Variants in KIF16B observed in about 807,000 individuals in gnomAD.
KIF16B encodes the protein kinesin family member 16B.
KIF16B carries 98 observed loss-of-function variants against 156.3 expected under a neutral mutation model. That is an observed-to-expected ratio of 0.63 (90% CI 0.53 to 0.74). The LOEUF is 0.74. KIF16B is among the 30% of genes least tolerant of loss of function. KIF16B has a pLI of 0.00. For missense variants in KIF16B, 1,421 were observed against 1,606.5 expected (o/e 0.88, Z 1.97); for synonymous variants, 564 against 583.7 (o/e 0.97, Z 0.49).
At chr20:16,571,763 G>A (rs925739116) in intron 1 of KIF16B, among the ~76,000 whole-genome samples, 13 of 151,796 alleles carry the variant, frequency 8.6e-5, no homozygotes, top group African/African-American at 2.9e-4. Flanking sequence ...ACGAGTAGCT[G>A]GGACTACAGG....
chr20:16,380,253 A>T, intron 18 of KIF16B, 90 bp from the exon 19 acceptor site: 1 of 1,178,886 alleles, frequency 8.5e-7, no homozygotes, highest in Non-Finnish European at 1.1e-6. Flanking sequence ...TGCACATACA[A>T]CCAGGTCAAA....
At position 16,541,795 on chromosome 20, in the gene KIF16B, C is replaced by T. The variant is rs142963994; in HGVS notation, c.48-13355G>A. On this transcript the variant is annotated intron_variant, in intron 1 of 25. Transcript: ENST00000354981. ...TGGAGCTGCAGCACCGACCCATGGA[C>T]AGCCTTGGCCAACTCCACAGGCAGT... Among the ~76,000 whole-genome samples, 1,072 of 152,332 alleles carry T rather than the reference C, an allele frequency of 7.0e-3. 20 individuals are homozygous for T. The highest frequency in any genetic ancestry group is 0.025 in the African/African-American group (1,040 of 41,566).
intron 24 of KIF16B, among the ~76,000 whole-genome samples, chr20:16,313,239 A>G (rs2063647822): frequency 6.6e-6 from 1 of 152,172 alleles, no homozygotes; most frequent in South Asian, 2.1e-4. Context: ...TGTCAGGACC[A>G]GACAAATTGA....
intron 17 of KIF16B, among the ~76,000 whole-genome samples, chr20:16,395,189 G>A (rs1444885877): frequency 1.7e-5 from 1 of 60,362 alleles, no homozygotes; most frequent in Non-Finnish European, 2.8e-5. Flanking sequence ...AAGGGGAGAG[G>A]AGGGGAGAGG....
intron 12 of KIF16B, among the ~76,000 whole-genome samples, chr20:16,443,346 G>C (rs1468462040): frequency 6.6e-6 from 1 of 152,106 alleles, no homozygotes; most frequent in Non-Finnish European, 1.5e-5. Flanking sequence ...CAGTAAACTT[G>C]GTGAAAAGGA....
At chr20:16,342,930 A>C (rs2064165258) in intron 23 of KIF16B, among the ~76,000 whole-genome samples, 1 of 152,240 alleles carries the variant, frequency 6.6e-6, no homozygotes, top group East Asian at 1.9e-4. Context: ...GCTCATGGGA[A>C]GCTTGAGAAA....
In KIF16B at chr20:16,490,023, G is replaced by A. The variant is rs114551575; in HGVS notation, c.1302+4268C>T. 4.7e-3 allele frequency among the ~76,000 whole-genome samples: 713 copies of A among 152,176 alleles called. 6 individuals are homozygous for A. The highest frequency in any genetic ancestry group is 0.017 in the African/African-American group (693 of 41,518). ...AGAGCATCACTGGGACAGGACCGCC[G>A]CCTGCACAACACTCCCTGTCACTCT... On this transcript the variant is annotated intron_variant, in intron 12 of 25. Transcript: ENST00000354981.
intron 9 of KIF16B, 140 bp downstream of exon 9, chr20:16,505,582 A>G (rs2147008748): frequency 2.8e-6 from 2 of 725,044 alleles, no homozygotes; most frequent in East Asian, 5.5e-5. Context: ...ATAGGAGGTG[A>G]TTTTCCTCAA....
At chr20:16,400,851 A>G (rs1175706271) in intron 17 of KIF16B, among the ~76,000 whole-genome samples, 2 of 152,166 alleles carry the variant, frequency 1.3e-5, no homozygotes, top group South Asian at 4.1e-4. Flanking sequence ...TGGGGGAAGG[A>G]GGGAATGGAA....
chr20:16,547,695 C>T (rs2070468671), intron 1 of KIF16B, among the ~76,000 whole-genome samples: 1 of 152,158 alleles, frequency 6.6e-6, no homozygotes, highest in Admixed American at 6.5e-5. Flanking sequence ...TCACGCAACA[C>T]AAAGAAACAA....
Position 16,406,553 on chromosome 20 carries a change from A to G in KIF16B, c.1613-97T>C, listed in dbSNP as rs757138921. ...ATTCTACTGTTGAAATGTAATTTCC[A>G]GTGTATTATAAAATAATAAGGGAAA... On this transcript the variant is annotated intron_variant, in intron 15 of 25. Transcript: ENST00000354981. 204 of 1,035,876 alleles carry G rather than the reference A, an allele frequency of 2.0e-4. 1 individual carries two copies. The highest frequency in any genetic ancestry group is 3.0e-4 in the Non-Finnish European group (199 of 670,090). 64.2% of individuals were successfully genotyped at this position (1,035,876 alleles called of 1,614,324 possible). A position where few individuals can be genotyped will look rare whatever the true frequency, so the allele number is the denominator to read the frequency against.
intron 22 of KIF16B, chr20:16,367,832 G>T (rs763949105): frequency 6.2e-7 from 1 of 1,608,564 alleles, no homozygotes; most frequent in South Asian, 1.1e-5. Context: ...CACAGCTGTT[G>T]AGAGAGGTAT....
At chr20:16,498,046 T>C (rs773441383) in intron 10 of KIF16B, among the ~76,000 whole-genome samples, 5 of 152,198 alleles carry the variant, frequency 3.3e-5, no homozygotes, top group African/African-American at 1.2e-4. Flanking sequence ...AAGTCTTGCT[T>C]AACCGCAGGC....
At chr20:16,507,002 T>C (rs968841609) in intron 7 of KIF16B, among the ~76,000 whole-genome samples, 1 of 150,884 alleles carries the variant, frequency 6.6e-6, no homozygotes, top group Non-Finnish European at 1.5e-5. Context: ...CCTGGAAGGC[T>C]GAGGTGGGAG....
chr20:16,512,979 C>G, intron 4 of KIF16B, 56 bp from the exon 5 acceptor site: 2 of 1,326,278 alleles, frequency 1.5e-6, no homozygotes, highest in South Asian at 2.4e-5. Flanking sequence ...CAACTGATGA[C>G]TGAATTTGCA....
At chr20:16,493,499 G>A (rs2068359979) in intron 12 of KIF16B, among the ~76,000 whole-genome samples, 1 of 152,162 alleles carries the variant, frequency 6.6e-6, no homozygotes, top group African/African-American at 2.4e-5. Flanking sequence ...AATATCAGAT[G>A]GAGATTTTTG....
chr20:16,468,996 T>C (rs1486157584), intron 12 of KIF16B, among the ~76,000 whole-genome samples: 1 of 152,156 alleles, frequency 6.6e-6, no homozygotes, highest in East Asian at 1.9e-4. Context: ...TTCATACCTA[T>C]AATCCCAGCA....
chr20:16,490,443 A>G (rs2068254313), intron 12 of KIF16B, among the ~76,000 whole-genome samples: 1 of 152,208 alleles, frequency 6.6e-6, no homozygotes, highest in Admixed American at 6.5e-5. Context: ...CAGGAGGCTG[A>G]GGTATGAGAA....
chr20:16,285,925 C>T (rs1271860386), intron 25 of KIF16B, among the ~76,000 whole-genome samples: 3 of 152,220 alleles, frequency 2.0e-5, no homozygotes, highest in Non-Finnish European at 4.4e-5. Flanking sequence ...TACTCTTCTG[C>T]ACCTCACTTT....
Sources: gnomAD v4.1 joint callset for allele counts (sites outside exome capture counted in the v4.1 genomes callset) on GRCh38, gnomAD v4.1.1 for gene constraint, MANE v1.5 for transcripts, NCBI Gene and HGNC (gene_info 2026-07-23, HGNC 2026-07-21) for gene names.